The following FKBP3 variants were observed in gnomAD, a reference collection of about 807,000 sequenced individuals.
The protein encoded by FKBP3 is FKBP prolyl isomerase 3, also known as peptidyl-prolyl cis-trans isomerase FKBP3.
A neutral mutation model predicts 30.6 loss-of-function variants in FKBP3; 21 were observed. The ratio of observed to expected loss-of-function variants is 0.69; its 90% CI spans 0.49 to 0.99. The LOEUF (loss-of-function observed/expected upper bound fraction) is 0.99. FKBP3 is among the 50% of genes least tolerant of loss of function. The pLI is 0.00. For missense variants in FKBP3, 283 were observed against 261.6 expected, an observed-to-expected ratio of 1.08 and a Z score of -0.56; for synonymous variants, 82 against 91.3, an observed-to-expected ratio of 0.90 and a Z score of 0.58.
At chr14:45,130,307 C>T (rs1322028881) in intron 2 of FKBP3, among the ~76,000 whole-genome samples, 1 of 152,194 alleles carries the variant, frequency 6.6e-6, no homozygotes, top group Non-Finnish European at 1.5e-5. Context: ...CTAAACCAGA[C>T]TTTAAATTCA....
rs1374038737 is a variant in FKBP3 at position 45,115,866 on chromosome 14, C to T, written c.*332G>A. On this transcript the variant is annotated 3_prime_UTR_variant, in exon 7 of 7. Coordinates refer to ENST00000396062, the MANE Select transcript of FKBP3 (RefSeq NM_002013.4). ...CTTAGTTCCAATTCCCTAATCAGAACAATAATATATTAACACCAAACAAAT... is the reference window on the plus strand; with the variant it reads ...CTTAGTTCCAATTCCCTAATCAGAATAATAATATATTAACACCAAACAAAT... 4.9e-6 allele frequency: 1 copy of T among 205,484 alleles called. No individual in the cohort carries two copies. The highest frequency in any genetic ancestry group is 1.0e-5 in the Non-Finnish European group (1 of 99,308). The allele number at this position is 205,484 out of a possible 1,614,324, so 12.7% of individuals were successfully genotyped here.
rs756631641 is a variant in FKBP3, at chr14:45,130,770, T to C, written c.139A>G (p.Ile47Val). 1 of 1,610,604 alleles carries C rather than the reference T, an allele frequency of 6.2e-7. No individual in the cohort carries two copies. The highest frequency in any genetic ancestry group is 1.1e-5 in the South Asian group (1 of 90,294). Residue 47 changes from isoleucine (I) to valine (V), a missense_variant, in exon 2 of 7, where the codon ATT (isoleucine) becomes GTT (valine). By Grantham distance (29) the Ile-to-Val change is conservative. Transcript: ENST00000396062. ...TTAGCTGTCTTGGCCACATTTTTAA[T>C]GTTTCCTAATAATTTATGTTCTGCA... ...FLAEHKLLGN[I>V]KNVAKTANKD... is the part of the protein sequence containing the mutation.
intron 5 of FKBP3, among the ~76,000 whole-genome samples, chr14:45,119,298 G>C (rs751142145): frequency 1.8e-4 from 27 of 152,160 alleles, no homozygotes; most frequent in Non-Finnish European, 3.5e-4. Flanking sequence ...AGCCGGGCAA[G>C]GTGGCTCGTG....
intron 1 of FKBP3, among the ~76,000 whole-genome samples, chr14:45,131,496 G>C (rs552391210): frequency 7.9e-5 from 12 of 152,058 alleles, no homozygotes; most frequent in Non-Finnish European, 1.8e-4. Flanking sequence ...GCTGGCCATG[G>C]TGGCGCATGC....
Position 45,129,869 on chromosome 14 carries a change from C to T in FKBP3, c.243G>A (p.Val81=), listed in dbSNP as rs774055821. ...GCTTCACATTTTTTACTTGCTCAGA[C>T]ACTTTACTTATACTTTCAGTACCCT... ...RFKGTESISK[V]SEQVKNVKLN... Residue 81 remains valine, a synonymous_variant, in exon 3 of 7, where the codon GTG becomes GTA. Coordinates refer to ENST00000396062, the MANE Select transcript of FKBP3 (RefSeq NM_002013.4). The T allele has an allele frequency of 1.2e-6, 2 of 1,612,838 alleles. No individual in the cohort carries two copies. Among genetic ancestry groups the T allele is most frequent in the African/African-American group, 2.7e-5 (2 of 74,886 alleles).
intron 3 of FKBP3, among the ~76,000 whole-genome samples, chr14:45,123,106 T>A (rs539107533): frequency 6.7e-6 from 1 of 149,006 alleles, no homozygotes; most frequent in Non-Finnish European, 1.5e-5. Flanking sequence ...GTCAGGAGAA[T>A]CACTTGAATC....
chr14:45,116,919 G>A (rs1263975725), intron 6 of FKBP3, among the ~76,000 whole-genome samples: 1 of 151,912 alleles, frequency 6.6e-6, no homozygotes, highest in African/African-American at 2.4e-5. Context: ...GCATCAGATT[G>A]GTCTTGAGAT....
At chr14:45,129,654 C>A (rs377762564) in intron 3 of FKBP3, 140 bp downstream of exon 3, 4 of 509,602 alleles carry the variant, frequency 7.8e-6, no homozygotes, top group East Asian at 3.2e-5. Flanking sequence ...GGGAAATGGC[C>A]CACTACATTA....
intron 3 of FKBP3, among the ~76,000 whole-genome samples, chr14:45,129,076 A>T (rs1422616968): frequency 6.6e-6 from 1 of 152,240 alleles, no homozygotes; most frequent in Non-Finnish European, 1.5e-5. Context: ...TAATTGTATA[A>T]CTGAACTTAC....
intron 3 of FKBP3, among the ~76,000 whole-genome samples, chr14:45,127,524 T>TAA (rs1885127457): frequency 6.6e-6 from 1 of 152,136 alleles, no homozygotes; most frequent in Non-Finnish European, 1.5e-5. Flanking sequence ...GTAATCAATA[T>TAA]AAAAAATACT....
intron 1 of FKBP3, among the ~76,000 whole-genome samples, chr14:45,131,910 GA>G (rs1885225339): frequency 6.6e-6 from 1 of 152,196 alleles, no homozygotes. Context: ...AGACTGCTAA[GA>G]TGGCAGATGG....
At chr14:45,132,049 C>G (rs1885228816) in intron 1 of FKBP3, among the ~76,000 whole-genome samples, 1 of 152,142 alleles carries the variant, frequency 6.6e-6, no homozygotes, top group South Asian at 2.1e-4. Flanking sequence ...GCCTTGTGGT[C>G]CTTGCTTAAT....
intron 5 of FKBP3, among the ~76,000 whole-genome samples, chr14:45,118,949 C>T (rs1440276938): frequency 5.3e-5 from 8 of 152,200 alleles, no homozygotes; most frequent in South Asian, 2.1e-4. Flanking sequence ...CTCTGCCTCC[C>T]GGGTTTAACC....
chr14:45,133,355 T>C (rs1485434465), intron 1 of FKBP3: 2 of 288,852 alleles, frequency 6.9e-6, no homozygotes, highest in Non-Finnish European at 7.3e-6. Flanking sequence ...TAGTCCTAGC[T>C]ACTCGAGAGG....
At chr14:45,132,075 A>C (rs375161082) in intron 1 of FKBP3, among the ~76,000 whole-genome samples, 2 of 152,132 alleles carry the variant, frequency 1.3e-5, no homozygotes, top group South Asian at 2.1e-4. Context: ...ATTTTGTTAC[A>C]TTCTCAAAGT....
intron 6 of FKBP3, among the ~76,000 whole-genome samples, chr14:45,116,488 AT>A (rs1241542657): frequency 1.3e-5 from 2 of 151,808 alleles, no homozygotes; most frequent in African/African-American, 4.9e-5. Flanking sequence ...AACAAAAAAA[AT>A]ATATATACAT....
At chr14:45,123,973 C>A (rs1256704357) in intron 3 of FKBP3, among the ~76,000 whole-genome samples, 1 of 152,078 alleles carries the variant, frequency 6.6e-6, no homozygotes, top group Non-Finnish European at 1.5e-5. Flanking sequence ...TGGAGTTTAG[C>A]TCTTTCCCCT....
intron 4 of FKBP3, 118 bp from the exon 5 acceptor site, chr14:45,121,072 A>G: frequency 1.2e-6 from 1 of 811,838 alleles, no homozygotes; most frequent in East Asian, 2.7e-5. Flanking sequence ...CAGAATTACA[A>G]TACTATGTAT....
At chr14:45,117,142 G>A (rs1837889718) in intron 6 of FKBP3, among the ~76,000 whole-genome samples, 1 of 152,048 alleles carries the variant, frequency 6.6e-6, no homozygotes, top group Non-Finnish European at 1.5e-5. Context: ...TGGCTAATTT[G>A]TGTATTTTTA....
Sources: gnomAD v4.1 joint callset for allele counts (sites outside exome capture counted in the v4.1 genomes callset) on GRCh38, gnomAD v4.1.1 for gene constraint, MANE v1.5 for transcripts, NCBI Gene and HGNC (gene_info 2026-07-23, HGNC 2026-07-21) for gene names.